FAF1: variants seen among roughly 807,000 people sequenced by gnomAD.
The protein encoded by FAF1 is Fas associated factor 1.
A neutral mutation model predicts 92.5 loss-of-function variants in FAF1; 25 were observed. The ratio of observed to expected loss-of-function variants is 0.27; its 90% CI spans 0.20 to 0.38. The LOEUF (loss-of-function observed/expected upper bound fraction) is 0.38. Among genes scored for constraint, FAF1 ranks in the 10% least tolerant of loss-of-function variants. The pLI, the probability that FAF1 is intolerant of heterozygous loss-of-function variation, is 1.00. For missense variants in FAF1, 636 were observed against 793.3 expected, an observed-to-expected ratio of 0.80 and a Z score of 2.38; for synonymous variants, 234 against 273.2, an observed-to-expected ratio of 0.86 and a Z score of 1.42.
At chr1:50,520,483 A>G (rs925069223) in intron 15 of FAF1, among the ~76,000 whole-genome samples, 2 of 152,158 alleles carry the variant, frequency 1.3e-5, no homozygotes. Flanking sequence ...TGTTTTCCCA[A>G]TCTTGCAATC....
At chr1:50,845,561 C>T (rs1293740562) in intron 2 of FAF1, among the ~76,000 whole-genome samples, 2 of 152,014 alleles carry the variant, frequency 1.3e-5, no homozygotes, top group Non-Finnish European at 2.9e-5. Flanking sequence ...CCACTGTGTA[C>T]CCACTCTTCT....
intron 2 of FAF1, among the ~76,000 whole-genome samples, chr1:50,840,048 C>T (rs1003569025): frequency 4.6e-5 from 7 of 151,842 alleles, no homozygotes; most frequent in African/African-American, 1.7e-4. Context: ...ATCCATTTGG[C>T]AGAAAAAAAT....
intron 1 of FAF1, among the ~76,000 whole-genome samples, chr1:50,906,331 C>G (rs1053959825): frequency 6.6e-6 from 1 of 152,124 alleles, no homozygotes; most frequent in African/African-American, 2.4e-5. Context: ...CAGCTTTGTT[C>G]TTTTGGCTTA....
In FAF1 at chr1:50,819,687, A is replaced by G. The variant is rs1286308914; in HGVS notation, c.115-18010T>C. Among the ~76,000 whole-genome samples the G allele has an allele frequency of 1.3e-4, 8 of 61,226 alleles. 1 individual carries two copies. The Admixed American group carries it at 1.7e-3, about 13-fold the overall frequency. 40.2% of individuals were successfully genotyped at this position (61,226 alleles called of 152,430 possible). ...ACACACACTCTCTCTCTGTATATAT[A>G]TATACATATATATATACATATATAT... On this transcript the variant is annotated intron_variant, in intron 2 of 18. Transcript: ENST00000396153.
intron 7 of FAF1, among the ~76,000 whole-genome samples, chr1:50,692,084 C>A (rs892901020): frequency 3.3e-5 from 5 of 152,064 alleles, no homozygotes; most frequent in Admixed American, 6.6e-5. Context: ...GGCATTGTGG[C>A]ACGTACCTGT....
At chr1:50,580,885 C>T (rs976681959) in intron 12 of FAF1, among the ~76,000 whole-genome samples, 8 of 152,182 alleles carry the variant, frequency 5.3e-5, no homozygotes, top group African/African-American at 1.9e-4. Context: ...AATCCTCCTG[C>T]CTCAGCCCCC....
chr1:50,470,536 A>G (rs79242023), intron 18 of FAF1, among the ~76,000 whole-genome samples: 2,054 of 152,322 alleles, frequency 0.013, 47 homozygotes, highest in African/African-American at 0.045. Flanking sequence ...CAAATTTGAT[A>G]TCCATCACTG....
At chr1:50,849,191 C>T (rs1644327894) in intron 2 of FAF1, among the ~76,000 whole-genome samples, 1 of 151,100 alleles carries the variant, frequency 6.6e-6, no homozygotes, top group Admixed American at 6.6e-5. Flanking sequence ...CGCTTGAACC[C>T]GGGAAGTGGA....
intron 1 of FAF1, among the ~76,000 whole-genome samples, chr1:50,945,470 C>T (rs1408407782): frequency 6.6e-6 from 1 of 152,218 alleles, no homozygotes; most frequent in East Asian, 1.9e-4. Context: ...AGGCACAAGT[C>T]TGGCATGTAA....
chr1:50,846,589 C>G (rs771595119), intron 2 of FAF1: 2 of 532,420 alleles, frequency 3.8e-6, no homozygotes, highest in Non-Finnish European at 7.5e-6. Context: ...ACTTGGAAAA[C>G]CTGGGTGAGT....
At chr1:50,470,044 T>C (rs1325304856) in intron 18 of FAF1, among the ~76,000 whole-genome samples, 2 of 152,224 alleles carry the variant, frequency 1.3e-5, no homozygotes, top group African/African-American at 4.8e-5. Flanking sequence ...TTCAATTGCA[T>C]TAAAGTTTTT....
chr1:50,718,766 C>A (rs1469211722), intron 6 of FAF1, among the ~76,000 whole-genome samples: 1 of 151,986 alleles, frequency 6.6e-6, no homozygotes, highest in Non-Finnish European at 1.5e-5. Flanking sequence ...TTTCCAAATG[C>A]CCTAACATTT....
chr1:50,500,636 A>C (rs559667226), intron 15 of FAF1, among the ~76,000 whole-genome samples: 3 of 152,328 alleles, frequency 2.0e-5, no homozygotes, highest in Non-Finnish European at 4.4e-5. Context: ...TGATACATAA[A>C]AGAAAAAATA....
chr1:50,830,195 G>A (rs1644139918), intron 2 of FAF1, among the ~76,000 whole-genome samples: 1 of 152,166 alleles, frequency 6.6e-6, no homozygotes, highest in Admixed American at 6.5e-5. Flanking sequence ...TTGGCTCACT[G>A]CAACCTCCAC....
At chr1:50,646,877 G>A (rs561507878) in intron 8 of FAF1, among the ~76,000 whole-genome samples, 2 of 152,156 alleles carry the variant, frequency 1.3e-5, no homozygotes, top group African/African-American at 4.8e-5. Flanking sequence ...ACATAGTCTC[G>A]CTCTGTTACC....
intron 4 of FAF1, among the ~76,000 whole-genome samples, chr1:50,787,657 T>C (rs1661411170): frequency 6.6e-6 from 1 of 152,196 alleles, no homozygotes; most frequent in Non-Finnish European, 1.5e-5. Flanking sequence ...GATCAAGATA[T>C]ATCCTATGAA....
At chr1:50,861,728 T>C (rs1240789515) in intron 1 of FAF1, among the ~76,000 whole-genome samples, 1 of 151,826 alleles carries the variant, frequency 6.6e-6, no homozygotes, top group Non-Finnish European at 1.5e-5. Context: ...AAAAAAAGAT[T>C]AATGCCCTTG....
At chr1:50,588,680 C>T (rs989332848) in intron 9 of FAF1, among the ~76,000 whole-genome samples, 4 of 152,140 alleles carry the variant, frequency 2.6e-5, no homozygotes, top group African/African-American at 7.2e-5. Flanking sequence ...GACATTGGCA[C>T]CTGTGTGATC....
At chr1:50,502,828 C>G (rs1304551810) in intron 15 of FAF1, among the ~76,000 whole-genome samples, 3 of 151,306 alleles carry the variant, frequency 2.0e-5, no homozygotes, top group Non-Finnish European at 4.4e-5. Context: ...CTTTTTTTTT[C>G]TAATTTAAAG....
Sources: gnomAD v4.1 joint callset for allele counts (sites outside exome capture counted in the v4.1 genomes callset) on GRCh38, gnomAD v4.1.1 for gene constraint, MANE v1.5 for transcripts, NCBI Gene and HGNC (gene_info 2026-07-23, HGNC 2026-07-21) for gene names.